Variants in SGK3 observed in about 807,000 individuals in gnomAD.
SGK3 encodes the protein serum/glucocorticoid regulated kinase family member 3.
SGK3 carries 47 observed loss-of-function variants against 68.5 expected under a neutral mutation model. That is an observed-to-expected ratio of 0.69 (90% CI 0.54 to 0.87). The LOEUF is 0.87. Ranked by LOEUF, SGK3 falls within the 40% of genes least tolerant of loss-of-function variation. The probability of loss-of-function intolerance (pLI) is 0.00; values close to 1 mark genes in which losing one functional copy is unlikely to be tolerated. For missense variants in SGK3, 479 were observed against 575.5 expected (o/e 0.83, Z 1.72); for synonymous variants, 181 against 189.1 (o/e 0.96, Z 0.35).
intron 1 of SGK3, among the ~76,000 whole-genome samples, chr8:66,789,736 A>G (rs955540332): frequency 1.3e-5 from 2 of 152,158 alleles, no homozygotes; most frequent in Middle Eastern, 3.2e-3. Flanking sequence ...GGTCCTTCTC[A>G]GGAAAGGCCT....
intron 1 of SGK3, among the ~76,000 whole-genome samples, chr8:66,766,360 T>G (rs1806318428): frequency 6.6e-6 from 1 of 152,040 alleles, no homozygotes; most frequent in African/African-American, 2.4e-5. Flanking sequence ...CTGTCTCTAC[T>G]AAAGATACAA....
chr8:66,776,262 G>T (rs571164102), intron 1 of SGK3, among the ~76,000 whole-genome samples: 2 of 152,122 alleles, frequency 1.3e-5, no homozygotes, highest in Non-Finnish European at 2.9e-5. Context: ...CTTCAGTCTC[G>T]AAGGCTGTTC....
chr8:66,730,417 A>T (rs1050509461), intron 1 of SGK3, among the ~76,000 whole-genome samples: 1 of 151,758 alleles, frequency 6.6e-6, no homozygotes, highest in Non-Finnish European at 1.5e-5. Context: ...CACTTTCTTG[A>T]TTTCCTTGGA....
intron 10 of SGK3, among the ~76,000 whole-genome samples, chr8:66,836,690 T>C (rs1809547143): frequency 6.6e-6 from 1 of 151,846 alleles, no homozygotes; most frequent in Admixed American, 6.6e-5. Context: ...TTTCATGTTA[T>C]ATCCATTTCT....
chr8:66,803,684 A>G (rs1467599519), intron 3 of SGK3, among the ~76,000 whole-genome samples: 3 of 144,868 alleles, frequency 2.1e-5, no homozygotes, highest in Non-Finnish European at 4.6e-5. Flanking sequence ...TTTTTGAGAC[A>G]TGGTGTCTGT....
At chr8:66,851,679 C>T (rs1228362108) in intron 16 of SGK3, among the ~76,000 whole-genome samples, 1 of 151,958 alleles carries the variant, frequency 6.6e-6, no homozygotes, top group Non-Finnish European at 1.5e-5. Context: ...AACATTTCAC[C>T]TAAAGATAAT....
rs187360133 is a variant in SGK3, at chr8:66,807,997, T to C, written c.253+3550T>C. On this transcript the variant is annotated intron_variant, in intron 4 of 16. Transcript: ENST00000521198. ...CATTAAATGGAAAAAAAAATCACAG[T>C]GCAGCAAATGAGTTTGTATGGTGTG... is the stretch of plus-strand genomic sequence containing the variant. Among the ~76,000 whole-genome samples, 844 of 152,200 alleles carry C rather than the reference T, an allele frequency of 5.5e-3. 12 individuals carry two copies. The highest frequency in any genetic ancestry group is 0.018 in the African/African-American group (760 of 41,524).
intron 1 of SGK3, among the ~76,000 whole-genome samples, chr8:66,727,930 G>A (rs1394192080): frequency 6.6e-6 from 1 of 152,212 alleles, no homozygotes; most frequent in Non-Finnish European, 1.5e-5. Context: ...AAATGGAGAA[G>A]ACAGAATAAA....
rs529671901 is a variant in SGK3, at chr8:66,751,171, G to A, written c.-122+38338G>A. On this transcript the variant is annotated intron_variant, in intron 1 of 16. Coordinates refer to ENST00000521198, the MANE Select transcript of SGK3 (RefSeq NM_001033578.3). ...AAAAAAATTAGCCGGGCGTGGTGGCGGGCGCCTGTAGTCCCAGCTACTCAG... is the reference window on the plus strand; with the variant it reads ...AAAAAAATTAGCCGGGCGTGGTGGCAGGCGCCTGTAGTCCCAGCTACTCAG... Among the ~76,000 whole-genome samples the A allele has an allele frequency of 3.0e-4, 45 of 151,774 alleles. No homozygotes were observed. The South Asian group carries it at 7.7e-3, about 26-fold the overall frequency.
At chr8:66,829,867 ATT>A (rs10689856) in intron 7 of SGK3, among the ~76,000 whole-genome samples, 28 of 137,702 alleles carry the variant, frequency 2.0e-4, no homozygotes, top group Non-Finnish European at 2.1e-4. Flanking sequence ...CAAAAAATGG[ATT>A]TTTTTTTTTT....
At chr8:66,806,865 A>AT (rs1187438809) in intron 4 of SGK3, among the ~76,000 whole-genome samples, 1 of 151,980 alleles carries the variant, frequency 6.6e-6, no homozygotes, top group Admixed American at 6.6e-5. Flanking sequence ...GAAATGTAAT[A>AT]TGTGAAAAAA....
At chr8:66,853,559 A>G (rs1368620757) in intron 16 of SGK3, among the ~76,000 whole-genome samples, 1 of 152,216 alleles carries the variant, frequency 6.6e-6, no homozygotes, top group Non-Finnish European at 1.5e-5. Flanking sequence ...GAATGTTTCT[A>G]GCAGTTACTG....
Position 66,861,697 on chromosome 8 carries a change from G to A in SGK3, c.*2116G>A, listed in dbSNP as rs993115273. 1 of 152,038 alleles carries A rather than the reference G, an allele frequency of 6.6e-6. No individual in the cohort carries two copies. 9.4% of individuals were successfully genotyped at this position (152,038 alleles called of 1,614,324 possible). A position where few individuals can be genotyped will look rare whatever the true frequency, so the allele number is the denominator to read the frequency against. ...AATGTTCAGCAGAATTGGGCAGTGG[G>A]GGTGACTTTTCTTATATTAATAATA... On this transcript the variant is annotated 3_prime_UTR_variant, in exon 17 of 17. Coordinates refer to ENST00000521198, the MANE Select transcript of SGK3 (RefSeq NM_001033578.3).
At chr8:66,856,281 A>G (rs149383754) in intron 16 of SGK3, among the ~76,000 whole-genome samples, 14 of 152,016 alleles carry the variant, frequency 9.2e-5, no homozygotes, top group Middle Eastern at 3.2e-3. Flanking sequence ...GTTAACCAGG[A>G]TGGTCTCGAC....
chr8:66,743,142 G>C (rs1216206129), intron 1 of SGK3, among the ~76,000 whole-genome samples: 1 of 152,144 alleles, frequency 6.6e-6, no homozygotes, highest in Non-Finnish European at 1.5e-5. Context: ...TTTTAAAACT[G>C]TGGGTTGCAA....
chr8:66,728,938 A>G (rs192433300), intron 1 of SGK3, among the ~76,000 whole-genome samples: 2 of 151,030 alleles, frequency 1.3e-5, no homozygotes, highest in African/African-American at 2.4e-5. Flanking sequence ...AAAAATCTGG[A>G]CTGGGCACGG....
At chr8:66,855,983 T>C (rs1447053342) in intron 16 of SGK3, among the ~76,000 whole-genome samples, 1 of 152,194 alleles carries the variant, frequency 6.6e-6, no homozygotes, top group Non-Finnish European at 1.5e-5. Context: ...ACAAAGAAAG[T>C]TAAATAACTT....
intron 14 of SGK3, among the ~76,000 whole-genome samples, chr8:66,844,835 G>A (rs1034738275): frequency 2.6e-5 from 4 of 152,212 alleles, no homozygotes; most frequent in African/African-American, 9.6e-5. Context: ...TCCTGTGAAA[G>A]CCAACACCAT....
At chr8:66,803,135 C>T (rs936118365) in intron 3 of SGK3, among the ~76,000 whole-genome samples, 2 of 152,114 alleles carry the variant, frequency 1.3e-5, no homozygotes, top group African/African-American at 4.8e-5. Flanking sequence ...ACTAGGTTCC[C>T]CCTCTGCCTT....
Sources: allele counts gnomAD v4.1 joint callset (sites outside exome capture counted in the v4.1 genomes callset), GRCh38; gene constraint gnomAD v4.1.1; transcripts MANE v1.5; gene names NCBI Gene and HGNC (gene_info 2026-07-23, HGNC 2026-07-21).